INVS: variants seen among roughly 807,000 people sequenced by gnomAD.
INVS encodes inversion of embryo turning homolog.
A neutral mutation model predicts 108.8 loss-of-function variants in INVS; 86 were observed. The ratio of observed to expected loss-of-function variants is 0.79; its 90% CI spans 0.66 to 0.95. INVS has a LOEUF of 0.95. Ranked by LOEUF, INVS falls within the 40% of genes least tolerant of loss-of-function variation. The pLI is 0.00. For missense variants in INVS, 1,169 were observed against 1,297.4 expected (o/e 0.90, Z 1.52); for synonymous variants, 455 against 473.5 (o/e 0.96, Z 0.51).
chr9:100,155,406 G>T (rs1828944359), intron 3 of INVS, among the ~76,000 whole-genome samples: 1 of 152,042 alleles, frequency 6.6e-6, no homozygotes, highest in South Asian at 2.1e-4. Context: ...GTACAATCTT[G>T]GCTCACTGCA....
chr9:100,170,424 G>A (rs1439910287), intron 3 of INVS, among the ~76,000 whole-genome samples: 1 of 151,466 alleles, frequency 6.6e-6, no homozygotes, highest in Non-Finnish European at 1.5e-5. Flanking sequence ...TAAATTAGCA[G>A]TCATGTTGGT....
chr9:100,220,958 G>C (rs1315591829), intron 3 of INVS, among the ~76,000 whole-genome samples: 1 of 142,448 alleles, frequency 7.0e-6, no homozygotes, highest in African/African-American at 2.7e-5. Context: ...CTGGGCAACA[G>C]AGCAAGACTC....
intron 3 of INVS, among the ~76,000 whole-genome samples, chr9:100,166,725 C>T (rs916793515): frequency 7.9e-5 from 12 of 152,286 alleles, no homozygotes; most frequent in African/African-American, 2.4e-4. Context: ...ATCCAGAATG[C>T]AACCACTTTT....
chr9:100,138,042 GTAACTTTAATTGAGAATAA>G (rs1382374182), intron 3 of INVS, among the ~76,000 whole-genome samples: 1 of 152,100 alleles, frequency 6.6e-6, no homozygotes, highest in African/African-American at 2.4e-5. Context: ...TTATTTATAA[GTAACTTTAATTGAGAATAA>G]CAGCAAGTAG....
chr9:100,164,584 G>A (rs777917497), intron 3 of INVS, among the ~76,000 whole-genome samples: 29 of 152,062 alleles, frequency 1.9e-4, no homozygotes, highest in Non-Finnish European at 4.0e-4. Flanking sequence ...CCATGTTAAA[G>A]CAAATCTCAG....
intron 11 of INVS, among the ~76,000 whole-genome samples, chr9:100,271,497 G>T (rs1832954909): frequency 6.6e-6 from 1 of 152,202 alleles, no homozygotes; most frequent in Non-Finnish European, 1.5e-5. Context: ...AGATCTATAA[G>T]ATAAATTCCT....
intron 2 of INVS, among the ~76,000 whole-genome samples, chr9:100,113,225 G>A (rs1402161459): frequency 6.6e-6 from 1 of 150,868 alleles, no homozygotes; most frequent in African/African-American, 2.4e-5. Flanking sequence ...AGAATATACT[G>A]TTGTACTACA....
intron 3 of INVS, among the ~76,000 whole-genome samples, chr9:100,195,242 A>T (rs1203525476): frequency 1.3e-5 from 2 of 152,198 alleles, no homozygotes; most frequent in Non-Finnish European, 2.9e-5. Context: ...GTTCGCTGAG[A>T]ATTTAAACCA....
At chr9:100,117,437 A>T (rs1827570505) in intron 2 of INVS, 1 of 793,530 alleles carries the variant, frequency 1.3e-6, no homozygotes, top group Non-Finnish European at 2.2e-6. Context: ...CAAGCGGCCC[A>T]GCTTGGTGAC....
At chr9:100,175,842 C>T in intron 3 of INVS, 1 of 663,274 alleles carries the variant, frequency 1.5e-6, no homozygotes. Flanking sequence ...AACAATCAGG[C>T]CTGGAACAAT....
Position 100,284,496 on chromosome 9 carries a change from A to G in INVS, c.1961A>G (p.Glu654Gly). ...GCTGGCAACGTGGCCCAAGGCCCTG[A>G]GCCAAGAGACAGCAGAGGATCTCCA... ...PPAGNVAQGP[E>G]PRDSRGSPGG... The change falls in exon 13 of 17, where the codon GAG becomes GGG. Residue 654 changes from glutamate (E) to glycine (G), a missense_variant. Glu to Gly is a moderately conservative substitution (Grantham distance 98). Around this residue, in one of 3 missense-constraint regions of INVS, gnomAD observed 533 missense variants for 536.0 expected, o/e 0.99. Transcript: ENST00000262457. 6.2e-7 allele frequency: 1 copy of G among 1,614,138 alleles called. No individual in the cohort carries two copies. Among genetic ancestry groups the G allele is most frequent in the Non-Finnish European group, 8.5e-7 (1 of 1,179,998 alleles).
chr9:100,228,809 AT>A, intron 4 of INVS, among the ~76,000 whole-genome samples: 1 of 152,226 alleles, frequency 6.6e-6, no homozygotes, highest in Non-Finnish European at 1.5e-5. Context: ...TCTCCCAGAG[AT>A]AGTAAGATGA....
At position 100,296,979 on chromosome 9, in the gene INVS, T is replaced by C; in HGVS notation, c.2849T>C (p.Val950Ala). 8.1e-6 allele frequency: 13 copies of C among 1,614,048 alleles called. No individual in the cohort carries two copies. The highest frequency in any genetic ancestry group is 1.0e-5 in the Non-Finnish European group (12 of 1,179,998). ...ATGAAGCAGCTTGGAGCTGGAGATG[T>C]GGACAGATGGAGGCAAGAGTCTACA... ...RHMKQLGAGDVDRWRQESTAL... is the reference protein window; with the variant it reads ...RHMKQLGAGDADRWRQESTAL... Residue 950 changes from valine to alanine, a missense_variant, in exon 15 of 17, where the codon GTG becomes GCG. Around this residue, in one of 3 missense-constraint regions of INVS, gnomAD observed 533 missense variants for 536.0 expected, o/e 0.99. Transcript: ENST00000262457.
intron 2 of INVS, among the ~76,000 whole-genome samples, chr9:100,116,173 G>A (rs1819214201): frequency 1.3e-5 from 2 of 150,122 alleles, no homozygotes; most frequent in South Asian, 2.1e-4. Context: ...GTGCAATCTC[G>A]GCTCCCTGCA....
Position 100,301,354 on chromosome 9 carries a change from C to T in INVS, c.*680C>T, listed in dbSNP as rs906836067. 6.6e-6 allele frequency among the ~76,000 whole-genome samples: 1 copy of T among 152,202 alleles called. No homozygotes were observed. Among genetic ancestry groups the T allele is most frequent in the Non-Finnish European group, 1.5e-5 (1 of 68,052 alleles). The stretch of plus-strand genomic sequence containing the variant: ...AGGCCACAAGTTGCCGCCACGTCTT[C>T]ACTGAATGGCTTTCTCAGTGCTGAA... On this transcript the variant is annotated 3_prime_UTR_variant, in exon 17 of 17. Transcript: ENST00000262457.
intron 1 of INVS, among the ~76,000 whole-genome samples, chr9:100,100,971 TA>T (rs1826950777): frequency 2.9e-5 from 2 of 69,850 alleles, no homozygotes; most frequent in South Asian, 3.3e-4. Flanking sequence ...ATATAATATA[TA>T]TTATATATAT....
rs140350724 is a variant in INVS at position 100,261,117 on chromosome 9, T to G, written c.1465-3705T>G. Among the ~76,000 whole-genome samples, 969 of 152,304 alleles carry G rather than the reference T, an allele frequency of 6.4e-3. 34 individuals carry two copies. The highest frequency in any genetic ancestry group is 0.058 in the Admixed American group (880 of 15,284). ...AAAATATTTGCATGTTAATTATGTT[T>G]TCCAAGTCAGAAAATTAGCTGTCCC... is the stretch of plus-strand genomic sequence containing the variant. On this transcript the variant is annotated intron_variant, in intron 10 of 16. Transcript: ENST00000262457.
chr9:100,250,607 G>C (rs1025964283), intron 8 of INVS, among the ~76,000 whole-genome samples: 4 of 152,248 alleles, frequency 2.6e-5, no homozygotes, highest in African/African-American at 7.2e-5. Flanking sequence ...CCCGTAGCAA[G>C]TCCTGTTGAC....
intron 3 of INVS, among the ~76,000 whole-genome samples, chr9:100,156,258 T>TC: frequency 1.1e-5 from 1 of 87,282 alleles, no homozygotes; most frequent in Non-Finnish European, 2.1e-5. Context: ...TTAGGAATAC[T>TC]TTTTTTTTTT....
Sources: gnomAD v4.1 joint callset for allele counts (sites outside exome capture counted in the v4.1 genomes callset) on GRCh38, gnomAD v4.1.1 for gene constraint, gnomAD v4.1.1 regional missense constraint, MANE v1.5 for transcripts, NCBI Gene and HGNC (gene_info 2026-07-23, HGNC 2026-07-21) for gene names.